C6: variants seen among roughly 807,000 people sequenced by gnomAD.
C6 encodes the protein complement component C6.
C6 carries 101 observed loss-of-function variants against 112.9 expected under a neutral mutation model. The observed-to-expected ratio is 0.89, with a 90% CI of 0.76 to 1.06. The LOEUF is 1.06. Ranked by LOEUF, C6 falls within the 50% of genes least tolerant of loss-of-function variation. The pLI is 0.00. For missense variants in C6, 1,202 were observed against 1,104.6 expected (o/e 1.09, Z -1.25); for synonymous variants, 431 against 384.1 (o/e 1.12, Z -1.43).
chr5:41,213,237 G>A (rs562016574), intron 1 of C6, 139 bp downstream of exon 1: 16 of 218,154 alleles, frequency 7.3e-5, no homozygotes, highest in African/African-American at 3.3e-4. Flanking sequence ...TTTAAACAAA[G>A]CAATTATAAA....
chr5:41,227,160 G>T, intron 1 of C6, among the ~76,000 whole-genome samples: 1 of 152,152 alleles, frequency 6.6e-6, no homozygotes, highest in East Asian at 1.9e-4. Context: ...TAACAGGTGT[G>T]TGGTGATACC....
At chr5:41,238,578 G>A (rs1446133495) in intron 1 of C6, among the ~76,000 whole-genome samples, 3 of 152,182 alleles carry the variant, frequency 2.0e-5, no homozygotes, top group African/African-American at 7.2e-5. Flanking sequence ...AAGAGACAAA[G>A]GGTTCAGGAA....
At chr5:41,211,325 T>A (rs1266447279) in intron 1 of C6, among the ~76,000 whole-genome samples, 1 of 151,514 alleles carries the variant, frequency 6.6e-6, no homozygotes, top group Non-Finnish European at 1.5e-5. Flanking sequence ...CAACATGGCA[T>A]ATGTATACAT....
chr5:41,180,832 T>TA (rs71606601), intron 7 of C6, among the ~76,000 whole-genome samples: 27,178 of 134,228 alleles, frequency 0.2, 2,866 homozygotes, highest in South Asian at 0.35. Context: ...TATGAGGAAT[T>TA]AAAAAAAAAA....
In C6 at chr5:41,149,933, A is replaced by G. The variant is rs76202909; in HGVS notation, c.2381+2T>C. The G allele has an allele frequency of 2.8e-3, 4,469 of 1,589,972 alleles. 14 individuals are homozygous for G. The highest frequency in any genetic ancestry group is 3.4e-3 in the Non-Finnish European group (3,987 of 1,158,142). On this transcript the variant is annotated splice_donor_variant, in intron 16 of 17. Transcript: ENST00000337836. LOFTEE classifies it high-confidence loss of function. ...AGACACAGTCTGTAGGGTATCTCTT[A>G]CCTACAGTCTTCTTCTGGAGACATA...
chr5:41,204,788 G>A (rs1253464019), intron 1 of C6, among the ~76,000 whole-genome samples: 1 of 150,322 alleles, frequency 6.7e-6, no homozygotes, highest in African/African-American at 2.5e-5. Flanking sequence ...TCCTGCCTCA[G>A]CCTCCTGAGG....
At chr5:41,176,156 T>C (rs962631372) in intron 8 of C6, among the ~76,000 whole-genome samples, 6 of 152,200 alleles carry the variant, frequency 3.9e-5, no homozygotes, top group Non-Finnish European at 8.8e-5. Context: ...CCTTGAGATA[T>C]TGGCATGCAT....
chr5:41,230,262 G>T (rs568310286), intron 1 of C6, among the ~76,000 whole-genome samples: 2 of 152,222 alleles, frequency 1.3e-5, no homozygotes, highest in South Asian at 4.1e-4. Context: ...CTGGGGGGTT[G>T]GGCAGAATAG....
intron 6 of C6, among the ~76,000 whole-genome samples, chr5:41,182,365 TACAGTATGAGTGGC>T (rs2150325391): frequency 6.6e-6 from 1 of 151,874 alleles, no homozygotes; most frequent in South Asian, 2.1e-4. Context: ...CAGTAGAACG[TACAGTATGAGTGGC>T]ACTGTTTTAA....
chr5:41,248,413 C>A (rs932387419), intron 1 of C6, among the ~76,000 whole-genome samples: 1 of 152,156 alleles, frequency 6.6e-6, no homozygotes, highest in South Asian at 2.1e-4. Flanking sequence ...TAAATATTTG[C>A]AAGCTATGCA....
chr5:41,176,566 A>G lies in C6; in HGVS notation c.1077T>C (p.Asp359=). The G allele has an allele frequency of 1.1e-5, 17 of 1,613,954 alleles. No homozygotes were observed. Among genetic ancestry groups the G allele is most frequent in the African/African-American group, 2.7e-5 (2 of 75,044 alleles). ...AGGTGAAGTAATGAGTCCCAAAGTC[A>G]TCGAATATTCGGCTGTACAAAGCAG... ...YNSALYSRIF[D]DFGTHYFTSG... The change falls in exon 8 of 18, where the codon GAT becomes GAC. Residue 359 remains aspartate (D), a synonymous_variant. Coordinates refer to ENST00000337836, the MANE Select transcript of C6 (RefSeq NM_000065.5).
chr5:41,248,935 T>A (rs150068795), intron 1 of C6, among the ~76,000 whole-genome samples: 50 of 152,048 alleles, frequency 3.3e-4, no homozygotes, highest in African/African-American at 1.2e-3. Context: ...TCATCAATGG[T>A]GGATTGGTAT....
At chr5:41,185,399 A>T (rs1221771612) in intron 6 of C6, among the ~76,000 whole-genome samples, 1 of 152,206 alleles carries the variant, frequency 6.6e-6, no homozygotes, top group Non-Finnish European at 1.5e-5. Context: ...TAGCTTGTCA[A>T]ATTTCTATGC....
Position 41,201,645 on chromosome 5 carries a change from T to C in C6, c.213A>G (p.Arg71=), listed in dbSNP as rs1320139070. 10 of 1,613,688 alleles carry C rather than the reference T, an allele frequency of 6.2e-6. No homozygotes were observed. In the African/African-American group the frequency reaches 6.7e-5, roughly 11 times the overall value. The part of the protein sequence containing the change: ...CEQICSKQET[R]ECNWQRCPIN... ...TGGGGCATCTTTGCCAGTTACATTC[T>C]CTAGTCTCCTGCTTGCTGCAAATCT... Residue 71 remains arginine (R), a synonymous_variant, in exon 3 of 18, where the codon AGA becomes AGG. Coordinates refer to ENST00000337836, the MANE Select transcript of C6 (RefSeq NM_000065.5).
intron 1 of C6, among the ~76,000 whole-genome samples, chr5:41,260,899 T>C (rs910875891): frequency 6.6e-6 from 1 of 152,104 alleles, no homozygotes; most frequent in Admixed American, 6.5e-5. Context: ...AATGAAAACA[T>C]GAACAAGTTA....
chr5:41,172,515 T>G, intron 8 of C6, 168 bp from the exon 9 acceptor site: 1 of 693,496 alleles, frequency 1.4e-6, no homozygotes, highest in East Asian at 2.7e-5. Flanking sequence ...ACCTATAGAT[T>G]CAATCCTGCA....
intron 1 of C6, among the ~76,000 whole-genome samples, chr5:41,222,400 T>C (rs761674503): frequency 2.6e-4 from 40 of 152,148 alleles, no homozygotes; most frequent in African/African-American, 9.4e-4. Flanking sequence ...TTAGTCATTC[T>C]GAAGTTTGCA....
intron 5 of C6, among the ~76,000 whole-genome samples, chr5:41,187,689 G>GACACACAC (rs1456667940): frequency 1.6e-5 from 1 of 62,322 alleles, no homozygotes; most frequent in African/African-American, 8.0e-5. Flanking sequence ...AAAGTACACA[G>GACACACAC]ACACACACAT....
Position 41,176,680 on chromosome 5 carries a change from T to G in C6, c.963A>C (p.Lys321Asn). The G allele has an allele frequency of 6.2e-7, 1 of 1,612,450 alleles. No homozygotes were observed. Among genetic ancestry groups the G allele is most frequent in the Non-Finnish European group, 8.5e-7 (1 of 1,178,826 alleles). Reference protein sequence around the residue: ...SSFIRIHKVMKVLNFTTKAKD... With the variant: ...SSFIRIHKVMNVLNFTTKAKD... ...TAGCTTTCGTTGTGAAGTTTAAGAC[T>G]TTCATCACTTTATGGATCCTAATAA... Residue 321 changes from lysine to asparagine, a missense_variant, in exon 8 of 18, where the codon AAA (lysine) becomes AAC (asparagine). Coordinates refer to ENST00000337836, the MANE Select transcript of C6 (RefSeq NM_000065.5).
Sources: allele counts gnomAD v4.1 joint callset (sites outside exome capture counted in the v4.1 genomes callset), GRCh38; gene constraint gnomAD v4.1.1; transcripts MANE v1.5; gene names NCBI Gene and HGNC (gene_info 2026-07-23, HGNC 2026-07-21).